The following NACAD variants were observed in gnomAD, a reference collection of about 807,000 sequenced individuals.
NACAD encodes the protein NAC alpha domain containing, also known as NAC-alpha domain-containing protein 1.
Under a neutral mutation model 98.9 loss-of-function variants are expected in NACAD, and 47 were observed. The observed-to-expected ratio is 0.48, with a 90% CI of 0.38 to 0.61. The LOEUF is 0.61. Among genes scored for constraint, NACAD ranks in the 20% least tolerant of loss-of-function variants. NACAD has a pLI of 0.00. For missense variants in NACAD, 1,412 were observed against 1,748.2 expected, an observed-to-expected ratio of 0.81 and a Z score of 3.43; for synonymous variants, 696 against 767.2, an observed-to-expected ratio of 0.91 and a Z score of 1.53.
chr7:45,086,654 G>A (rs183382416), intron 1 of NACAD, among the ~76,000 whole-genome samples: 53 of 152,310 alleles, frequency 3.5e-4, no homozygotes, highest in African/African-American at 1.2e-3. Context: ...ACCTACACTT[G>A]AGGCCAACAT....
rs534629553 is a variant in NACAD, at chr7:45,082,173, C to T, written c.4007G>A (p.Ser1336Asn). The T allele has an allele frequency of 4.8e-5, 72 of 1,514,834 alleles. No homozygotes were observed. The highest frequency in any genetic ancestry group is 6.1e-5 in the Non-Finnish European group (69 of 1,128,998). 93.8% of individuals were successfully genotyped at this position (1,514,834 alleles called of 1,614,324 possible). A position where few individuals can be genotyped will look rare whatever the true frequency, so the allele number is the denominator to read the frequency against. ...TGAGAGCCCTTGAGGGCCAGCTGGGCTCTGGGGCCCAGAGGGAGGAGGCAC... is the reference window on the plus strand; with the variant it reads ...TGAGAGCCCTTGAGGGCCAGCTGGGTTCTGGGGCCCAGAGGGAGGAGGCAC... ...CQVPPPSGPQ[S>N]PAGPQGLSAP... The change falls in exon 2 of 8, where the codon AGC becomes AAC. Residue 1336 changes from serine (S) to asparagine (N), a missense_variant. Physicochemically the swap from Ser to Asn is conservative, Grantham distance 46 (BLOSUM62 1). Around this residue, in one of 5 missense-constraint regions of NACAD, gnomAD observed 572 missense variants for 639.6 expected, o/e 0.89. Coordinates refer to ENST00000490531, the MANE Select transcript of NACAD (RefSeq NM_001146334.2). This position sits in a 1 kb window ranked among gnomAD's most constrained non-coding sequence, Gnocchi z 4.5.
chr7:45,082,538 C>G lies in NACAD; in HGVS notation c.3642G>C (p.Lys1214Asn). Residue 1214 changes from lysine (K) to asparagine (N), a missense_variant, in exon 2 of 8, where the codon AAG (lysine) becomes AAC (asparagine). This residue lies in a region of NACAD where 572 missense variants were observed against 639.6 expected (regional missense o/e 0.89). Coordinates refer to ENST00000490531, the MANE Select transcript of NACAD (RefSeq NM_001146334.2). The surrounding 1 kb of genome is among the most constrained non-coding windows in gnomAD (Gnocchi z 4.5). ...TGTCCACGGGCGTGCTGGGCTGACCCTTGGCAAGGTTTTCTGGGGGCTGCA... is the reference window on the plus strand; with the variant it reads ...TGTCCACGGGCGTGCTGGGCTGACCGTTGGCAAGGTTTTCTGGGGGCTGCA... ...PLLQPPENLA[K>N]GQPSTPVDRP... The G allele has an allele frequency of 6.5e-7, 1 of 1,548,868 alleles. No individual in the cohort carries two copies. The highest frequency in any genetic ancestry group is 8.7e-7 in the Non-Finnish European group (1 of 1,146,436).
chr7:45,082,607 A>C lies in NACAD; in HGVS notation c.3573T>G (p.Val1191=), dbSNP rs1784448658. 6.5e-7 allele frequency: 1 copy of C among 1,533,874 alleles called. No individual in the cohort carries two copies. The highest frequency in any genetic ancestry group is 1.4e-5 in the African/African-American group (1 of 72,732). Residue 1191 remains valine, a synonymous_variant, in exon 2 of 8, where the codon GTT becomes GTG. Coordinates refer to ENST00000490531, the MANE Select transcript of NACAD (RefSeq NM_001146334.2). This position sits in a 1 kb window ranked among gnomAD's most constrained non-coding sequence, Gnocchi z 4.5. ...CACTGGGTACTTCGTGGGGTTGCTCAACACTGCCCAGACCCAGTACAGGCT... is the reference window on the plus strand; with the variant it reads ...CACTGGGTACTTCGTGGGGTTGCTCCACACTGCCCAGACCCAGTACAGGCT... The part of the protein sequence containing the change: ...QPEPVLGLGS[V]EQPHEVPSVL...
rs2128641433 is a variant in NACAD, at chr7:45,085,911, C to A, written c.269G>T (p.Gly90Val). 6.5e-7 allele frequency: 1 copy of A among 1,545,880 alleles called. No individual in the cohort carries two copies. Among genetic ancestry groups the A allele is most frequent in the African/African-American group, 1.4e-5 (1 of 73,086 alleles). The change falls in exon 2 of 8, where the codon GGC becomes GTC. Residue 90 changes from glycine to valine, a missense_variant. Transcript: ENST00000490531. This position sits in a 1 kb window ranked among gnomAD's most constrained non-coding sequence, Gnocchi z 6.1. ...CTCAGGGAGGAGCATGGGGCTTGGG[C>A]CGCCCTCCCCTGGGTCCGCCCAGGC... Reference protein sequence around the residue: ...PSAWADPGEGGPSPMLLPEGL... With the variant: ...PSAWADPGEGVPSPMLLPEGL...
Sources: gnomAD v4.1 joint callset for allele counts (sites outside exome capture counted in the v4.1 genomes callset) on GRCh38, gnomAD v4.1.1 for gene constraint, gnomAD v4.1.1 regional missense constraint, Gnocchi (gnomAD v3.1) non-coding constraint, MANE v1.5 for transcripts, NCBI Gene and HGNC (gene_info 2026-07-23, HGNC 2026-07-21) for gene names.